TBC1D4: variants seen among roughly 807,000 people sequenced by gnomAD.
The protein encoded by TBC1D4 is TBC (Tre-2, BUB2, CDC16) domain-containing protein.
Under a neutral mutation model 142.5 loss-of-function variants are expected in TBC1D4, and 121 were observed. The observed-to-expected ratio is 0.85, with a 90% confidence interval of 0.73 to 0.99. The LOEUF is 0.99. Among genes scored for constraint, TBC1D4 ranks in the 50% least tolerant of loss-of-function variants. The probability of loss-of-function intolerance (pLI) is 0.00; values close to 1 mark genes in which losing one functional copy is unlikely to be tolerated. For missense variants in TBC1D4, 1,475 were observed against 1,606.6 expected (o/e 0.92, Z 1.40); for synonymous variants, 630 against 628.2 (o/e 1.00, Z -0.04).
intron 9 of TBC1D4, among the ~76,000 whole-genome samples, chr13:75,327,341 G>A (rs546465252): frequency 1.8e-4 from 28 of 152,190 alleles, no homozygotes; most frequent in African/African-American, 6.0e-4. Context: ...CCTACCGAGA[G>A]TTGTCAATGA....
chr13:75,351,770 T>G (rs1293616743), intron 4 of TBC1D4, among the ~76,000 whole-genome samples: 6 of 152,240 alleles, frequency 3.9e-5, no homozygotes, highest in African/African-American at 1.2e-4. Flanking sequence ...CTGCATAGTA[T>G]TCCATGGTGT....
intron 17 of TBC1D4, 117 bp from the exon 18 acceptor site, chr13:75,295,130 T>A: frequency 1.1e-6 from 1 of 945,112 alleles, no homozygotes; most frequent in South Asian, 1.8e-5. Flanking sequence ...ATAAGTAGTA[T>A]TACTTTATTT....
At chr13:75,452,128 G>A (rs1036810666) in intron 1 of TBC1D4, among the ~76,000 whole-genome samples, 1 of 151,884 alleles carries the variant, frequency 6.6e-6, no homozygotes, top group African/African-American at 2.4e-5. Context: ...TATTTTTAAA[G>A]TACATCTTCA....
intron 5 of TBC1D4, among the ~76,000 whole-genome samples, chr13:75,343,494 A>C (rs1260474158): frequency 6.6e-6 from 1 of 150,702 alleles, no homozygotes; most frequent in East Asian, 1.9e-4. Context: ...GACACCACTC[A>C]CTATCACAGT....
chr13:75,389,443 A>T (rs1183688264), intron 1 of TBC1D4, among the ~76,000 whole-genome samples: 1 of 152,164 alleles, frequency 6.6e-6, no homozygotes, highest in Admixed American at 6.6e-5. Flanking sequence ...TGAGGCTACT[A>T]TTAGTTTTTT....
intron 5 of TBC1D4, 103 bp downstream of exon 5, chr13:75,349,067 G>T: frequency 3.2e-6 from 5 of 1,549,166 alleles, no homozygotes; most frequent in Non-Finnish European, 4.4e-6. Context: ...TTGGGTTCTT[G>T]TTTCACATCG....
intron 12 of TBC1D4, 115 bp from the exon 13 acceptor site, chr13:75,313,013 C>A: frequency 8.5e-7 from 1 of 1,175,986 alleles, no homozygotes; most frequent in East Asian, 2.5e-5. Context: ...GCACAAGCCA[C>A]AGGCAACATG....
chr13:75,299,823 C>CAAAAAAAAAAA (rs56719877), intron 16 of TBC1D4, among the ~76,000 whole-genome samples: 107 of 105,812 alleles, frequency 1.0e-3, no homozygotes, highest in East Asian at 6.4e-3. Flanking sequence ...TTCTTTCCAG[C>CAAAAAAAAAAA]AAAAAAAAAA....
intron 1 of TBC1D4, among the ~76,000 whole-genome samples, chr13:75,465,434 A>G (rs967220549): frequency 1.4e-4 from 22 of 152,222 alleles, no homozygotes. Context: ...TGAATGAGGT[A>G]ATGAACAAAG....
intron 3 of TBC1D4, among the ~76,000 whole-genome samples, chr13:75,356,479 G>A (rs897525586): frequency 6.6e-5 from 10 of 152,108 alleles, no homozygotes; most frequent in African/African-American, 2.2e-4. Flanking sequence ...AACATTCTGC[G>A]ACTCAAGGCC....
chr13:75,365,017 A>T (rs1271444655), intron 1 of TBC1D4, among the ~76,000 whole-genome samples: 1 of 152,210 alleles, frequency 6.6e-6, no homozygotes, highest in Non-Finnish European at 1.5e-5. Flanking sequence ...CTCTACCGCC[A>T]TATCAAGAGT....
intron 1 of TBC1D4, among the ~76,000 whole-genome samples, chr13:75,470,996 A>T (rs1888376314): frequency 1.3e-5 from 2 of 152,040 alleles, no homozygotes; most frequent in Non-Finnish European, 2.9e-5. Context: ...AAAAAAAAAA[A>T]AAAACTATAT....
intron 1 of TBC1D4, among the ~76,000 whole-genome samples, chr13:75,455,611 G>A (rs966564152): frequency 2.0e-5 from 3 of 151,954 alleles, no homozygotes; most frequent in South Asian, 4.2e-4. Context: ...ATGAGAAATC[G>A]TCAAATCAAG....
At chr13:75,381,785 G>T (rs557233378) in intron 1 of TBC1D4, among the ~76,000 whole-genome samples, 157 of 152,320 alleles carry the variant, frequency 1.0e-3, no homozygotes, top group African/African-American at 3.5e-3. Flanking sequence ...AAATGAAATG[G>T]TCTCTCTTCG....
chr13:75,454,967 T>C (rs534020833), intron 1 of TBC1D4, among the ~76,000 whole-genome samples: 3 of 152,292 alleles, frequency 2.0e-5, no homozygotes, highest in East Asian at 3.9e-4. Flanking sequence ...CTGGGAAAAA[T>C]GTAAACATGA....
chr13:75,425,438 C>T (rs1171825819), intron 1 of TBC1D4, among the ~76,000 whole-genome samples: 1 of 152,156 alleles, frequency 6.6e-6, no homozygotes, highest in Admixed American at 6.5e-5. Context: ...AATAGAACTA[C>T]CATATGATCA....
rs142160891 is a variant in TBC1D4 at position 75,464,391 on chromosome 13, T to C, written c.498+16879A>G. Among the ~76,000 whole-genome samples the C allele has an allele frequency of 1.2e-3, 189 of 152,366 alleles. 1 individual carries two copies. The highest frequency in any genetic ancestry group is 4.4e-3 in the African/African-American group (185 of 41,592). ...GCCACAAACATGAGCATGAGCAATCTGTGCCTTAAGGACATGCTCCTGCTG... is the reference window on the plus strand; with the variant it reads ...GCCACAAACATGAGCATGAGCAATCCGTGCCTTAAGGACATGCTCCTGCTG... On this transcript the variant is annotated intron_variant, in intron 1 of 20. Coordinates refer to ENST00000377636, the MANE Select transcript of TBC1D4 (RefSeq NM_014832.5).
At chr13:75,459,526 C>G (rs1174501730) in intron 1 of TBC1D4, among the ~76,000 whole-genome samples, 1 of 152,172 alleles carries the variant, frequency 6.6e-6, no homozygotes, top group Non-Finnish European at 1.5e-5. Context: ...ACTCCTATGT[C>G]TAGCAGTTCA....
At chr13:75,365,174 C>A (rs1285832163) in intron 1 of TBC1D4, among the ~76,000 whole-genome samples, 5 of 152,160 alleles carry the variant, frequency 3.3e-5, no homozygotes, top group Non-Finnish European at 7.4e-5. Context: ...GAATTCTAAA[C>A]TGAGTACATA....
Sources: gnomAD v4.1 joint callset for allele counts (sites outside exome capture counted in the v4.1 genomes callset) on GRCh38, gnomAD v4.1.1 for gene constraint, MANE v1.5 for transcripts, NCBI Gene and HGNC (gene_info 2026-07-23, HGNC 2026-07-21) for gene names.